USP53: variants seen among roughly 807,000 people sequenced by gnomAD.
USP53 encodes the protein ubiquitin specific peptidase 53.
USP53 carries 71 observed loss-of-function variants against 94.9 expected under a neutral mutation model. That is an observed-to-expected ratio of 0.75 (90% CI 0.62 to 0.91). USP53 has a LOEUF of 0.91. USP53 is among the 40% of genes least tolerant of loss of function. The pLI is 0.00. For missense variants in USP53, 1,173 were observed against 1,281.0 expected (o/e 0.92, Z 1.29); for synonymous variants, 375 against 422.7 (o/e 0.89, Z 1.39).
intron 2 of USP53, among the ~76,000 whole-genome samples, chr4:119,215,843 A>G (rs1743664724): frequency 2.0e-5 from 3 of 152,168 alleles, no homozygotes; most frequent in Admixed American, 1.3e-4. Flanking sequence ...CCTTATTCCA[A>G]TATCTTAGCT....
chr4:119,267,307 G>T lies in USP53; in HGVS notation c.973-13G>T. On this transcript the variant is annotated splice_polypyrimidine_tract_variant and intron_variant, in intron 12 of 18. Coordinates refer to ENST00000692078, the MANE Select transcript of USP53 (RefSeq NM_001371395.1). ...GTTTTGTTTTGTCTTTATTCATTGT[G>T]TTTTTTTAAAAGATTGGAACTAGAT... 1 of 1,609,976 alleles carries T rather than the reference G, an allele frequency of 6.2e-7. No individual in the cohort carries two copies. Among genetic ancestry groups the T allele is most frequent in the Non-Finnish European group, 8.5e-7 (1 of 1,178,482 alleles).
At chr4:119,236,867 A>C (rs1746835728) in intron 4 of USP53, among the ~76,000 whole-genome samples, 1 of 152,184 alleles carries the variant, frequency 6.6e-6, no homozygotes, top group East Asian at 1.9e-4. Context: ...GTGAATCCTG[A>C]TTGTTCTTTA....
At position 119,271,562 on chromosome 4, in the gene USP53, G is replaced by T. The variant is rs61730005; in HGVS notation, c.1702G>T (p.Asp568Tyr). 3.3e-4 allele frequency: 535 copies of T among 1,613,776 alleles called. 1 individual carries two copies. The African/African-American group carries it at 6.1e-3, about 19-fold the overall frequency. ...CACAGACAGCAGCCAAGATTCTAGG[G>T]ATAGAGGAAACAGCTGTGATAGCAG... ...YDTDSSQDSR[D>Y]RGNSCDSSSK... Residue 568 changes from aspartate to tyrosine, a missense_variant, in exon 16 of 19, where the codon GAT becomes TAT. Transcript: ENST00000692078.
In USP53 at chr4:119,271,268, ATG is replaced by A. The variant is rs1751818703; in HGVS notation, c.1436-24_1436-23del. The stretch of plus-strand genomic sequence containing the variant: ...ACAAGGTGGCTCTGAGGAGTAATTC[ATG>A]TGTATCTTTAATTTTTTTTTTTAAG... On this transcript the variant is annotated intron_variant, in intron 15 of 18. Coordinates refer to ENST00000692078, the MANE Select transcript of USP53 (RefSeq NM_001371395.1). The A allele has an allele frequency of 3.3e-6, 5 of 1,525,636 alleles. No individual in the cohort carries two copies. In the African/African-American group the frequency reaches 7.0e-5, roughly 21 times the overall value. The allele number at this position is 1,525,636 out of a possible 1,614,324, so 94.5% of individuals were successfully genotyped here. A position where few individuals can be genotyped will look rare whatever the true frequency, so the allele number is the denominator to read the frequency against.
chr4:119,232,721 A>G (rs996034377), intron 3 of USP53, among the ~76,000 whole-genome samples: 3 of 152,162 alleles, frequency 2.0e-5, no homozygotes, highest in African/African-American at 7.2e-5. Flanking sequence ...ACATATTGGT[A>G]GATTCTGTTT....
At chr4:119,222,060 G>A (rs1001545140) in intron 3 of USP53, among the ~76,000 whole-genome samples, 3 of 152,054 alleles carry the variant, frequency 2.0e-5, no homozygotes, top group Non-Finnish European at 2.9e-5. Flanking sequence ...TTGCTATTTG[G>A]TGATTTTTCA....
chr4:119,212,760 G>C lies in USP53; in HGVS notation c.-1055G>C. 3.2e-6 allele frequency: 1 copy of C among 317,102 alleles called. No individual in the cohort carries two copies. Among genetic ancestry groups the C allele is most frequent in the Non-Finnish European group, 6.4e-6 (1 of 157,232 alleles). The allele number at this position is 317,102 out of a possible 1,614,324, so 19.6% of individuals were successfully genotyped here. A position where few individuals can be genotyped will look rare whatever the true frequency, so the allele number is the denominator to read the frequency against. ...TGTGGCAGCAGTCAGTGTGTCTGGC[G>C]GGTGTCGGCGTGAAGCGGGGCTGGG... On this transcript the variant is annotated 5_prime_UTR_variant, in exon 1 of 19. Coordinates refer to ENST00000692078, the MANE Select transcript of USP53 (RefSeq NM_001371395.1).
rs749534404 is a variant in USP53 at position 119,256,262 on chromosome 4, G to A, written c.389G>A (p.Arg130Lys). The change falls in exon 8 of 19, where the codon AGG becomes AAG. Residue 130 changes from arginine to lysine, a missense_variant. Coordinates refer to ENST00000692078, the MANE Select transcript of USP53 (RefSeq NM_001371395.1). ...TTAAATTAGGAAAATATGTTGGAGA[G>A]GATTCATTTTCACATAGTGCCAAGC... ...AAECFENMLE[R>K]IHFHIVPSRD... 2.5e-5 allele frequency: 40 copies of A among 1,612,148 alleles called. No individual in the cohort carries two copies. Among genetic ancestry groups the A allele is most frequent in the Non-Finnish European group, 3.4e-5 (40 of 1,179,440 alleles).
chr4:119,283,850 A>C (rs893336113), intron 17 of USP53, among the ~76,000 whole-genome samples: 2 of 151,932 alleles, frequency 1.3e-5, no homozygotes, highest in African/African-American at 4.8e-5. Context: ...AACTCAGGAA[A>C]TATTATATAT....
At chr4:119,261,072 G>A (rs1174174850) in intron 11 of USP53, among the ~76,000 whole-genome samples, 2 of 145,962 alleles carry the variant, frequency 1.4e-5, no homozygotes. Context: ...CAATTTTCAT[G>A]CTTCAGCCTC....
chr4:119,231,617 A>G (rs1364246823), intron 3 of USP53, among the ~76,000 whole-genome samples: 1 of 152,206 alleles, frequency 6.6e-6, no homozygotes, highest in Non-Finnish European at 1.5e-5. Flanking sequence ...ATTCTCTAGC[A>G]GGACTCACAG....
intron 13 of USP53, among the ~76,000 whole-genome samples, 200 bp downstream of exon 13, chr4:119,267,682 T>A (rs1311617186): frequency 6.6e-6 from 1 of 152,162 alleles, no homozygotes. Context: ...CCTTCAGGAG[T>A]TACCCACTAT....
At chr4:119,238,651 A>G (rs1393006892) in intron 4 of USP53, among the ~76,000 whole-genome samples, 3 of 152,240 alleles carry the variant, frequency 2.0e-5, no homozygotes, top group African/African-American at 7.2e-5. Flanking sequence ...AAAAGGCAGT[A>G]TATCTGCAAA....
intron 3 of USP53, among the ~76,000 whole-genome samples, chr4:119,227,256 T>TACACACACACACACACAC (rs3138727): frequency 0.041 from 5,159 of 124,870 alleles, 244 homozygotes; most frequent in Non-Finnish European, 0.047. Context: ...TGTCTAACAC[T>TACACACACACACACACAC]ACACACACAC....
intron 6 of USP53, among the ~76,000 whole-genome samples, chr4:119,247,390 C>T (rs996113676): frequency 6.6e-6 from 1 of 152,166 alleles, no homozygotes; most frequent in Non-Finnish European, 1.5e-5. Flanking sequence ...ATGGCTAACA[C>T]CCTTATTTCC....
intron 1 of USP53, among the ~76,000 whole-genome samples, chr4:119,213,695 T>A (rs1288083499): frequency 7.0e-6 from 1 of 143,036 alleles, no homozygotes; most frequent in African/African-American, 2.6e-5. Context: ...TATAAATATA[T>A]ATATTTGCAA....
intron 7 of USP53, among the ~76,000 whole-genome samples, chr4:119,251,621 GCAAA>G (rs60550463): frequency 0.29 from 43,620 of 151,808 alleles, 6,356 homozygotes; most frequent in East Asian, 0.38. Context: ...CATGTCATCT[GCAAA>G]CAGAGACAAT....
chr4:119,226,637 T>C (rs2149282948), intron 3 of USP53, among the ~76,000 whole-genome samples: 1 of 152,284 alleles, frequency 6.6e-6, no homozygotes, highest in Non-Finnish European at 1.5e-5. Context: ...AGACATAATA[T>C]TCCTAGATTG....
chr4:119,260,266 G>C (rs1425033502), intron 10 of USP53, among the ~76,000 whole-genome samples: 2 of 151,684 alleles, frequency 1.3e-5, no homozygotes, highest in African/African-American at 2.4e-5. Context: ...TTTTATTTCT[G>C]CTTTTTTTTA....
Sources: gnomAD v4.1 joint callset for allele counts (sites outside exome capture counted in the v4.1 genomes callset) on GRCh38, gnomAD v4.1.1 for gene constraint, MANE v1.5 for transcripts, NCBI Gene and HGNC (gene_info 2026-07-23, HGNC 2026-07-21) for gene names.